The following PDE4B variants were observed in gnomAD, a reference collection of about 807,000 sequenced individuals.
The protein encoded by PDE4B is 3',5'-cyclic-AMP phosphodiesterase 4B.
Under a neutral mutation model 82.2 loss-of-function variants are expected in PDE4B, and 20 were observed. The observed-to-expected ratio is 0.24, with a 90% CI of 0.17 to 0.35. The LOEUF (loss-of-function observed/expected upper bound fraction) is 0.35. PDE4B is among the 10% of genes least tolerant of loss of function. PDE4B has a pLI of 1.00. For synonymous variants in PDE4B, 320 were observed against 318.9 expected, an observed-to-expected ratio of 1.00 and a Z score of -0.04; for missense variants, 655 against 907.2, an observed-to-expected ratio of 0.72 and a Z score of 3.57.
chr1:66,285,218 A>G (rs1001877211), intron 7 of PDE4B, among the ~76,000 whole-genome samples: 2 of 152,214 alleles, frequency 1.3e-5, no homozygotes, highest in Admixed American at 1.3e-4. Flanking sequence ...AAATTTACCC[A>G]TATGACCCAC....
intron 1 of PDE4B, among the ~76,000 whole-genome samples, chr1:65,821,553 A>C (rs545742941): frequency 6.6e-6 from 1 of 152,274 alleles, no homozygotes; most frequent in African/African-American, 2.4e-5. Context: ...ACTAAAAAAA[A>C]CCTGCTTTAT....
At chr1:66,241,466 TA>T (rs779208264) in intron 3 of PDE4B, among the ~76,000 whole-genome samples, 7 of 152,222 alleles carry the variant, frequency 4.6e-5, no homozygotes, top group Non-Finnish European at 7.3e-5. Flanking sequence ...TTGTTTTTAT[TA>T]AAATGATAGA....
At position 66,367,799 on chromosome 1, in the gene PDE4B, G is replaced by A. The variant is rs1470634530; in HGVS notation, c.1488G>A (p.Met496Ile). Residue 496 changes from methionine to isoleucine, a missense_variant, in exon 14 of 17, where the codon ATG becomes ATA. Around this residue, in one of 3 missense-constraint regions of PDE4B, gnomAD observed 283 missense variants for 516.4 expected, o/e 0.55. Transcript: ENST00000341517. The part of the protein sequence containing the change: ...LLQEEHCDIF[M>I]NLTKKQRQTL... ...AAGAAGAACACTGTGACATCTTCAT[G>A]AATCTCACCAAGAAGCAGCGTCAGA... 1.9e-6 allele frequency: 3 copies of A among 1,613,910 alleles called. No individual in the cohort carries two copies. Among genetic ancestry groups the A allele is most frequent in the South Asian group, 1.1e-5 (1 of 91,058 alleles).
chr1:66,090,613 TATA>T lies in PDE4B; in HGVS notation c.282-156843_282-156841del, dbSNP rs1204582040. On this transcript the variant is annotated intron_variant, in intron 3 of 16. Coordinates refer to ENST00000341517, the MANE Select transcript of PDE4B (RefSeq NM_002600.4). ...TGACAAAATTATATATATATATGTATATAATATATGTGTGTGTGTGTGTGTGTA... is the reference window on the plus strand; with the variant it reads ...TGACAAAATTATATATATATATGTATATATATGTGTGTGTGTGTGTGTGTA... Among the ~76,000 whole-genome samples the T allele has an allele frequency of 1.4e-3, 17 of 11,824 alleles. 1 individual carries two copies. Among genetic ancestry groups the T allele is most frequent in the African/African-American group, 7.3e-3 (15 of 2,066 alleles). 7.8% of individuals were successfully genotyped at this position (11,824 alleles called of 152,430 possible). A position where few individuals can be genotyped will look rare whatever the true frequency, so the allele number is the denominator to read the frequency against.
chr1:65,944,948 G>T (rs1253610472), intron 3 of PDE4B, among the ~76,000 whole-genome samples: 6 of 151,926 alleles, frequency 3.9e-5, no homozygotes, highest in African/African-American at 1.2e-4. Context: ...AGCAAAGAAA[G>T]AAGTTAACAT....
At chr1:66,303,730 G>T (rs1187405847) in intron 7 of PDE4B, among the ~76,000 whole-genome samples, 1 of 152,090 alleles carries the variant, frequency 6.6e-6, no homozygotes, top group Non-Finnish European at 1.5e-5. Flanking sequence ...AAGGATGGAG[G>T]TTAGCATTTG....
intron 4 of PDE4B, among the ~76,000 whole-genome samples, chr1:66,252,819 G>T (rs1653893769): frequency 1.3e-5 from 2 of 152,100 alleles, no homozygotes; most frequent in Admixed American, 1.3e-4. Flanking sequence ...CGTGCTTGTG[G>T]TCCCAGCTCC....
intron 3 of PDE4B, among the ~76,000 whole-genome samples, chr1:65,984,776 A>T (rs1014151023): frequency 1.3e-5 from 2 of 152,042 alleles, no homozygotes; most frequent in Non-Finnish European, 2.9e-5. Flanking sequence ...AAACAAACAA[A>T]ATATATATAT....
intron 1 of PDE4B, among the ~76,000 whole-genome samples, chr1:65,877,835 C>T (rs1646663951): frequency 6.6e-6 from 1 of 151,918 alleles, no homozygotes. Flanking sequence ...GCAAAGATTT[C>T]ATGACTAAAA....
intron 1 of PDE4B, among the ~76,000 whole-genome samples, chr1:65,859,126 A>G (rs1298691295): frequency 6.6e-6 from 1 of 152,128 alleles, no homozygotes; most frequent in African/African-American, 2.4e-5. Flanking sequence ...ACTGACACCT[A>G]TGGGTTCCCT....
chr1:66,027,985 G>A (rs962454563), intron 3 of PDE4B, among the ~76,000 whole-genome samples: 2 of 152,210 alleles, frequency 1.3e-5, no homozygotes, highest in Non-Finnish European at 2.9e-5. Flanking sequence ...GTGTCTGGAG[G>A]ATGGTGGCCC....
At chr1:65,903,443 ACT>A (rs199889616) in intron 1 of PDE4B, among the ~76,000 whole-genome samples, 5 of 147,480 alleles carry the variant, frequency 3.4e-5, no homozygotes, top group African/African-American at 1.2e-4. Flanking sequence ...ACACACACAC[ACT>A]AGCCAGGTGT....
intron 3 of PDE4B, among the ~76,000 whole-genome samples, chr1:66,036,165 A>T (rs1222771422): frequency 3.3e-5 from 5 of 152,108 alleles, no homozygotes; most frequent in Admixed American, 3.3e-4. Context: ...GCCCATTTTT[A>T]AAGTTATTTT....
At chr1:66,236,345 T>C (rs1171848261) in intron 3 of PDE4B, among the ~76,000 whole-genome samples, 1 of 152,210 alleles carries the variant, frequency 6.6e-6, no homozygotes. Context: ...TATAGTTTAC[T>C]TCTACATATG....
At chr1:65,969,683 A>G (rs1650029751) in intron 3 of PDE4B, among the ~76,000 whole-genome samples, 1 of 152,162 alleles carries the variant, frequency 6.6e-6, no homozygotes, top group South Asian at 2.1e-4. Context: ...AATGATATGT[A>G]TTTTATACTT....
intron 3 of PDE4B, among the ~76,000 whole-genome samples, chr1:66,013,935 C>T (rs2100747103): frequency 6.6e-6 from 1 of 152,220 alleles, no homozygotes; most frequent in South Asian, 2.1e-4. Flanking sequence ...TCACTTTCTC[C>T]ACATTCTGAC....
chr1:65,825,724 ATCT>A (rs1382095824), intron 1 of PDE4B, among the ~76,000 whole-genome samples: 1 of 151,114 alleles, frequency 6.6e-6, no homozygotes, highest in East Asian at 1.9e-4. Flanking sequence ...CTATCTATCT[ATCT>A]ATCTATCTAT....
At chr1:66,198,289 A>G (rs1433334390) in intron 3 of PDE4B, among the ~76,000 whole-genome samples, 1 of 152,162 alleles carries the variant, frequency 6.6e-6, no homozygotes, top group Non-Finnish European at 1.5e-5. Context: ...AGAGTTCTGT[A>G]TCTTACCTTT....
At chr1:66,206,485 G>T (rs1164381975) in intron 3 of PDE4B, among the ~76,000 whole-genome samples, 5 of 152,160 alleles carry the variant, frequency 3.3e-5, no homozygotes. Flanking sequence ...CAGCAAGAAG[G>T]TAGAAGACTT....
Sources: gnomAD v4.1 joint callset for allele counts (sites outside exome capture counted in the v4.1 genomes callset) on GRCh38, gnomAD v4.1.1 for gene constraint, gnomAD v4.1.1 regional missense constraint, MANE v1.5 for transcripts, NCBI Gene and HGNC (gene_info 2026-07-23, HGNC 2026-07-21) for gene names.